Variants in ADAMTS6 observed in about 807,000 individuals in gnomAD.
ADAMTS6 encodes the protein ADAM metallopeptidase with thrombospondin type 1 motif 6.
Under a neutral mutation model 144.3 loss-of-function variants are expected in ADAMTS6, and 23 were observed. The observed-to-expected ratio is 0.16, with a 90% confidence interval of 0.11 to 0.23. The LOEUF (loss-of-function observed/expected upper bound fraction) is 0.23, where lower values mean the gene tolerates loss of function less well. ADAMTS6 is among the 10% of genes least tolerant of loss of function. The probability of loss-of-function intolerance (pLI) is 1.00; values close to 1 mark genes in which losing one functional copy is unlikely to be tolerated. For synonymous variants in ADAMTS6, 444 were observed against 457.5 expected (o/e 0.97, Z 0.38); for missense variants, 999 against 1,379.6 (o/e 0.72, Z 4.37).
At chr5:65,445,342 G>A (rs1758186131) in intron 7 of ADAMTS6, among the ~76,000 whole-genome samples, 1 of 151,952 alleles carries the variant, frequency 6.6e-6, no homozygotes, top group South Asian at 2.1e-4. Context: ...TTTGTGGTTT[G>A]TTTTTTGTTT....
chr5:65,291,403 G>A lies in ADAMTS6; in HGVS notation c.1438C>T (p.Pro480Ser). Residue 480 changes from proline to serine, a missense_variant, in exon 11 of 25, where the codon CCA (proline) becomes TCA (serine). Pro to Ser is a moderately conservative substitution (Grantham distance 74). Transcript: ENST00000381055. ...KRDFLYPAVA[P>S]GQVYDADEQC... ...TCATCAGCATCATACACCTGACCTG[G>A]GGCCACAGCTGGATAAAGAAAGTCA... 1.2e-6 allele frequency: 2 copies of A among 1,613,888 alleles called. No individual in the cohort carries two copies. The highest frequency in any genetic ancestry group is 1.3e-5 in the African/African-American group (1 of 74,982).
chr5:65,413,126 T>C (rs1030038643), intron 7 of ADAMTS6, among the ~76,000 whole-genome samples: 2 of 152,178 alleles, frequency 1.3e-5, no homozygotes, highest in Non-Finnish European at 2.9e-5. Flanking sequence ...AGAATGGCCT[T>C]ATAAGACCTA....
chr5:65,439,090 G>C (rs962015879), intron 7 of ADAMTS6, among the ~76,000 whole-genome samples: 1 of 151,900 alleles, frequency 6.6e-6, no homozygotes, highest in African/African-American at 2.4e-5. Context: ...GGAAAGTGAC[G>C]GAAAATCCCA....
intron 7 of ADAMTS6, among the ~76,000 whole-genome samples, chr5:65,446,393 T>A (rs1391748261): frequency 6.6e-6 from 1 of 152,290 alleles, no homozygotes; most frequent in South Asian, 2.1e-4. Flanking sequence ...TCCTTTATAA[T>A]CCAGCAGCAC....
chr5:65,469,067 C>T (rs1760237851), intron 3 of ADAMTS6, among the ~76,000 whole-genome samples: 1 of 152,176 alleles, frequency 6.6e-6, no homozygotes, highest in Non-Finnish European at 1.5e-5. Flanking sequence ...CAATTGCTTT[C>T]TCTCCTGTAT....
At chr5:65,210,360 A>C (rs1417565501) in intron 20 of ADAMTS6, 1 of 163,532 alleles carries the variant, frequency 6.1e-6, no homozygotes, top group East Asian at 1.9e-4. Flanking sequence ...CTGAGGCAGG[A>C]GAATGGCGTG....
chr5:65,410,880 C>T (rs970065292), intron 7 of ADAMTS6, among the ~76,000 whole-genome samples: 21 of 152,178 alleles, frequency 1.4e-4, no homozygotes, highest in African/African-American at 4.6e-4. Context: ...TTCTGTCACC[C>T]AGGCTAGAGG....
At position 65,230,742 on chromosome 5, in the gene ADAMTS6, CAT is replaced by C. The variant is rs1271799336; in HGVS notation, c.1934-4525_1934-4524del. 1.8e-3 allele frequency among the ~76,000 whole-genome samples: 174 copies of C among 95,618 alleles called. 1 individual carries two copies. The highest frequency in any genetic ancestry group is 7.0e-3 in the African/African-American group (158 of 22,546). The allele number at this position is 95,618 out of a possible 152,430, so 62.7% of individuals were successfully genotyped here. On this transcript the variant is annotated intron_variant, in intron 15 of 24. Transcript: ENST00000381055. ...ATATGTATGAAATATATATATAACA[CAT>C]ATGTATGAAATATATATATAACACA... is the stretch of plus-strand genomic sequence containing the variant.
intron 6 of ADAMTS6, 86 bp downstream of exon 6, chr5:65,452,046 TA>T: frequency 9.4e-7 from 1 of 1,068,332 alleles, no homozygotes; most frequent in Non-Finnish European, 1.3e-6. Context: ...GAAGCAATAA[TA>T]AAACATATTA....
intron 14 of ADAMTS6, among the ~76,000 whole-genome samples, chr5:65,256,233 T>G (rs570239422): frequency 6.6e-6 from 1 of 152,234 alleles, no homozygotes; most frequent in Non-Finnish European, 1.5e-5. Flanking sequence ...AAGTCCTTAA[T>G]AGCTAATTTG....
chr5:65,193,890 C>A (rs1457663621), intron 21 of ADAMTS6, among the ~76,000 whole-genome samples: 1 of 152,070 alleles, frequency 6.6e-6, no homozygotes, highest in Non-Finnish European at 1.5e-5. Context: ...TCAAAGACTT[C>A]AAATGTTCCA....
chr5:65,208,322 C>T (rs1028285921), intron 20 of ADAMTS6, among the ~76,000 whole-genome samples: 2 of 152,296 alleles, frequency 1.3e-5, no homozygotes, highest in African/African-American at 4.8e-5. Flanking sequence ...ACACCCCCAG[C>T]CAATTAAAGA....
intron 9 of ADAMTS6, among the ~76,000 whole-genome samples, chr5:65,321,708 C>CTTTTTTTTTTT (rs529236363): frequency 8.9e-5 from 7 of 78,852 alleles, no homozygotes; most frequent in Non-Finnish European, 1.1e-4. Context: ...TTTTCTTTTC[C>CTTTTTTTTTTT]TTTTTTTTTT....
At chr5:65,254,232 G>T (rs542848246) in intron 14 of ADAMTS6, among the ~76,000 whole-genome samples, 2 of 152,180 alleles carry the variant, frequency 1.3e-5, no homozygotes, top group East Asian at 3.9e-4. Context: ...TGTTAGAATA[G>T]ATTTTTAAAA....
chr5:65,207,179 T>C (rs979528999), intron 20 of ADAMTS6, among the ~76,000 whole-genome samples: 2 of 152,140 alleles, frequency 1.3e-5, no homozygotes, highest in African/African-American at 4.8e-5. Flanking sequence ...CCCAAAGAAC[T>C]GCAAAGCAAT....
At chr5:65,200,626 G>A (rs891857030) in intron 20 of ADAMTS6, among the ~76,000 whole-genome samples, 10 of 152,066 alleles carry the variant, frequency 6.6e-5, no homozygotes, top group African/African-American at 2.4e-4. Context: ...AGATCCCCTG[G>A]AAATAAGCAG....
chr5:65,181,286 C>T (rs770331943), intron 22 of ADAMTS6, among the ~76,000 whole-genome samples: 5 of 152,186 alleles, frequency 3.3e-5, no homozygotes, highest in Non-Finnish European at 5.9e-5. Flanking sequence ...TCACTTGTGT[C>T]GAGTCCATTT....
At position 65,386,682 on chromosome 5, in the gene ADAMTS6, C is replaced by T. The variant is rs570532784; in HGVS notation, c.1074-52597G>A. Among the ~76,000 whole-genome samples, 8 of 152,192 alleles carry T rather than the reference C, an allele frequency of 5.3e-5. No individual in the cohort carries two copies. The South Asian group carries it at 8.3e-4, about 16-fold the overall frequency. ...GACTCACTGCAACCTCTGCCTCCCA[C>T]GTCCAAGCAATTCTCCTGCCTCAGC... is the stretch of plus-strand genomic sequence containing the variant. On this transcript the variant is annotated intron_variant, in intron 7 of 24. Transcript: ENST00000381055.
At chr5:65,324,761 T>C (rs1746005217) in intron 9 of ADAMTS6, among the ~76,000 whole-genome samples, 1 of 152,138 alleles carries the variant, frequency 6.6e-6, no homozygotes, top group African/African-American at 2.4e-5. Context: ...ATATGAGTTA[T>C]GTATATGAAG....
Sources: allele counts gnomAD v4.1 joint callset (sites outside exome capture counted in the v4.1 genomes callset), GRCh38; gene constraint gnomAD v4.1.1; transcripts MANE v1.5; gene names NCBI Gene and HGNC (gene_info 2026-07-23, HGNC 2026-07-21).